EXOC5: variants seen among roughly 807,000 people sequenced by gnomAD.
EXOC5 encodes SEC10-like 1.
Under a neutral mutation model 90.8 loss-of-function variants are expected in EXOC5, and 17 were observed. That is an observed-to-expected ratio of 0.19 (90% CI 0.13 to 0.28). The LOEUF is 0.28. Ranked by LOEUF, EXOC5 falls within the 10% of genes least tolerant of loss-of-function variation. EXOC5 has a pLI of 1.00. For synonymous variants in EXOC5, 260 were observed against 270.0 expected, an observed-to-expected ratio of 0.96 and a Z score of 0.36; for missense variants, 569 against 830.6, an observed-to-expected ratio of 0.69 and a Z score of 3.87.
Position 57,218,054 on chromosome 14 carries a change from A to C in EXOC5, c.1541T>G (p.Leu514Ter), listed in dbSNP as rs1218592498. The change falls in exon 15 of 18, where the codon TTA (leucine) becomes TGA (stop). Residue 514 changes from leucine (L) to a stop codon, truncating the protein, a stop_gained. Coordinates refer to ENST00000621441, the MANE Select transcript of EXOC5 (RefSeq NM_006544.4). LOFTEE classifies it high-confidence loss of function. ...LMPLISSSPK[L>*]SECLQKKKEI... is the part of the protein sequence containing the mutation. ...TTTTTTCTTCTGAAGGCATTCAGATAACTTAGGAGAAGAGCTATTGTATAT... is the reference window on the plus strand; with the variant it reads ...TTTTTTCTTCTGAAGGCATTCAGATCACTTAGGAGAAGAGCTATTGTATAT... The C allele has an allele frequency of 6.8e-7, 1 of 1,470,628 alleles. No individual in the cohort carries two copies. Among genetic ancestry groups the C allele is most frequent in the Non-Finnish European group, 9.5e-7 (1 of 1,052,480 alleles). The allele number at this position is 1,470,628 out of a possible 1,614,324, so 91.1% of individuals were successfully genotyped here.
intron 1 of EXOC5, among the ~76,000 whole-genome samples, chr14:57,256,307 T>A (rs921221294): frequency 1.3e-5 from 2 of 152,112 alleles, no homozygotes; most frequent in African/African-American, 4.8e-5. Context: ...TGAAAATGTA[T>A]GGACAAGTGT....
rs1882591158 is a variant in EXOC5, at chr14:57,204,517, T to C, written c.*4092A>G. Reference sequence around the variant, plus strand: ...CAATGTACTAAATAGTTAACACAATTGGCAAGCCTATGACATTTAAAATAG... The same window carrying C: ...CAATGTACTAAATAGTTAACACAATCGGCAAGCCTATGACATTTAAAATAG... On this transcript the variant is annotated 3_prime_UTR_variant, in exon 18 of 18. Coordinates refer to ENST00000621441, the MANE Select transcript of EXOC5 (RefSeq NM_006544.4). 6.6e-6 allele frequency: 1 copy of C among 152,334 alleles called. No individual in the cohort carries two copies. The highest frequency in any genetic ancestry group is 1.5e-5 in the Non-Finnish European group (1 of 67,956). The allele number at this position is 152,334 out of a possible 1,614,324, so 9.4% of individuals were successfully genotyped here. A position where few individuals can be genotyped will look rare whatever the true frequency, so the allele number is the denominator to read the frequency against.
intron 15 of EXOC5, among the ~76,000 whole-genome samples, 189 bp downstream of exon 15, chr14:57,217,793 A>G (rs75351532): frequency 0.013 from 1,921 of 152,258 alleles, 42 homozygotes; most frequent in African/African-American, 0.043. Flanking sequence ...GTCCAAAGTA[A>G]AAAACTTCAG....
At chr14:57,256,370 C>G (rs540153817) in intron 1 of EXOC5, among the ~76,000 whole-genome samples, 3 of 152,224 alleles carry the variant, frequency 2.0e-5, no homozygotes, top group African/African-American at 7.2e-5. Flanking sequence ...CCAAGAACAT[C>G]AGAGGTACCA....
At chr14:57,225,588 A>C (rs1223321691) in intron 12 of EXOC5, among the ~76,000 whole-genome samples, 1 of 127,638 alleles carries the variant, frequency 7.8e-6, no homozygotes, top group African/African-American at 5.2e-5. Context: ...AGTGGAATCT[A>C]CAAAAAAAAA....
At chr14:57,216,665 A>C (rs1186983178) in intron 15 of EXOC5, among the ~76,000 whole-genome samples, 2 of 152,214 alleles carry the variant, frequency 1.3e-5, no homozygotes, top group Non-Finnish European at 2.9e-5. Flanking sequence ...ATTTAATATA[A>C]GACCCACAAC....
chr14:57,261,631 CAT>C (rs2139670792), intron 1 of EXOC5, among the ~76,000 whole-genome samples: 1 of 152,316 alleles, frequency 6.6e-6, no homozygotes, highest in East Asian at 1.9e-4. Flanking sequence ...TAACAATAAT[CAT>C]ACTGTTCACA....
At chr14:57,220,380 T>G (rs1028327675) in intron 13 of EXOC5, among the ~76,000 whole-genome samples, 1 of 152,184 alleles carries the variant, frequency 6.6e-6, no homozygotes, top group Non-Finnish European at 1.5e-5. Flanking sequence ...TGTACTTTTT[T>G]TCTTTATAGG....
At chr14:57,219,491 A>C (rs751779003) in intron 13 of EXOC5, 49 bp from the exon 14 acceptor site, 2 of 1,451,608 alleles carry the variant, frequency 1.4e-6, no homozygotes, top group South Asian at 2.7e-5. Flanking sequence ...GAAGAAATTC[A>C]TCTTGGCAAC....
At chr14:57,254,174 C>A (rs929439775) in intron 1 of EXOC5, among the ~76,000 whole-genome samples, 2 of 152,180 alleles carry the variant, frequency 1.3e-5, no homozygotes, top group Non-Finnish European at 2.9e-5. Context: ...GTGGCTCACA[C>A]CTGTAATCCC....
intron 5 of EXOC5, among the ~76,000 whole-genome samples, chr14:57,238,456 G>A (rs1282958629): frequency 6.6e-6 from 1 of 150,442 alleles, no homozygotes; most frequent in Non-Finnish European, 1.5e-5. Flanking sequence ...GTGTTCTGGA[G>A]TGGAAAAATA....
intron 15 of EXOC5, among the ~76,000 whole-genome samples, chr14:57,210,643 C>A (rs888845153): frequency 1.3e-5 from 2 of 152,162 alleles, no homozygotes; most frequent in Non-Finnish European, 2.9e-5. Flanking sequence ...ATCTCAGACA[C>A]CCATGTGGAC....
rs113632470 is a variant in EXOC5, at chr14:57,251,110, A to C, written c.28-3398T>G. 5.0e-4 allele frequency among the ~76,000 whole-genome samples: 76 copies of C among 152,324 alleles called. 1 individual carries two copies. Among genetic ancestry groups the C allele is most frequent in the African/African-American group, 1.8e-3 (74 of 41,574 alleles). ...GAACTCTGTAGGCTAGTGAAGGCTT[A>C]TATCTTCCCAGGGGAAGGCTTAGAC... On this transcript the variant is annotated intron_variant, in intron 1 of 17. Transcript: ENST00000621441.
chr14:57,252,053 G>A (rs1884212280), intron 1 of EXOC5, among the ~76,000 whole-genome samples: 1 of 152,288 alleles, frequency 6.6e-6, no homozygotes, highest in Non-Finnish European at 1.5e-5. Flanking sequence ...TAAGGGGACT[G>A]AATCAGTAAT....
At chr14:57,241,150 T>G (rs936720217) in intron 4 of EXOC5, among the ~76,000 whole-genome samples, 4 of 152,104 alleles carry the variant, frequency 2.6e-5, no homozygotes, top group African/African-American at 9.7e-5. Flanking sequence ...CACCACGCCC[T>G]GCCCAATATA....
intron 6 of EXOC5, among the ~76,000 whole-genome samples, 181 bp from the exon 7 acceptor site, chr14:57,236,001 T>C (rs547001607): frequency 6.6e-6 from 1 of 152,308 alleles, no homozygotes; most frequent in African/African-American, 2.4e-5. Flanking sequence ...CATATAAATC[T>C]ATATTTTCAA....
At chr14:57,213,863 G>A (rs1337712209) in intron 15 of EXOC5, among the ~76,000 whole-genome samples, 2 of 151,760 alleles carry the variant, frequency 1.3e-5, no homozygotes, top group Admixed American at 6.6e-5. Flanking sequence ...CCAGCTACTC[G>A]GGAGGCTGAG....
At chr14:57,231,742 G>C in intron 10 of EXOC5, 27 bp from the exon 11 acceptor site, 1 of 1,438,824 alleles carries the variant, frequency 7.0e-7, no homozygotes, top group Non-Finnish European at 9.6e-7. Context: ...GGGAGAAAAA[G>C]ATTAATATAC....
chr14:57,264,165 A>G (rs1884600432), intron 1 of EXOC5, among the ~76,000 whole-genome samples: 2 of 152,216 alleles, frequency 1.3e-5, no homozygotes, highest in South Asian at 4.1e-4. Flanking sequence ...TATCATATCC[A>G]TGTTACTACA....
Sources: allele counts gnomAD v4.1 joint callset (sites outside exome capture counted in the v4.1 genomes callset), GRCh38; gene constraint gnomAD v4.1.1; transcripts MANE v1.5; gene names NCBI Gene and HGNC (gene_info 2026-07-23, HGNC 2026-07-21).